Variants in SPSB1 observed in about 807,000 individuals in gnomAD.
SPSB1 encodes splA/ryanodine receptor domain and SOCS box containing 1.
In SPSB1, 8 loss-of-function variants were observed where a neutral mutation model predicts 21.2. The ratio of observed to expected loss-of-function variants is 0.38; its 90% CI spans 0.22 to 0.68. The LOEUF is 0.68. Ranked by LOEUF, SPSB1 falls within the 30% of genes least tolerant of loss-of-function variation. The probability of loss-of-function intolerance (pLI) is 0.53; values close to 1 mark genes in which losing one functional copy is unlikely to be tolerated. For missense variants in SPSB1, 242 were observed against 377.8 expected, an observed-to-expected ratio of 0.64 and a Z score of 2.98; for synonymous variants, 169 against 161.7, an observed-to-expected ratio of 1.05 and a Z score of -0.34.
rs56373345 is a variant in SPSB1, at chr1:9,348,963, G to A, written c.-149-6780G>A. 0.59 allele frequency among the ~76,000 whole-genome samples: 87,092 copies of A among 148,050 alleles called. 25,838 individuals carry two copies. Among genetic ancestry groups the A allele is most frequent in the African/African-American group, 0.71 (29,030 of 40,748 alleles). ...TGTGTGTGTGTGTGTGTGTGTGTGT[G>A]TATATGTGCGTGTGTGCACGTGCAT... On this transcript the variant is annotated intron_variant, in intron 1 of 2. Coordinates refer to ENST00000328089, the MANE Select transcript of SPSB1 (RefSeq NM_025106.4). This position sits in a 1 kb window ranked among gnomAD's most constrained non-coding sequence, Gnocchi z 4.8.
At chr1:9,328,579 G>A (rs550193582) in intron 1 of SPSB1, among the ~76,000 whole-genome samples, 38 of 152,316 alleles carry the variant, frequency 2.5e-4, no homozygotes, top group African/African-American at 8.2e-4. Context: ...TAAACATCTC[G>A]TTCGGGGTAA....
At chr1:9,323,884 C>T (rs999419140) in intron 1 of SPSB1, among the ~76,000 whole-genome samples, 1 of 152,216 alleles carries the variant, frequency 6.6e-6, no homozygotes, top group African/African-American at 2.4e-5. Flanking sequence ...CTTCTCCCAT[C>T]CCTTCCTCTT....
At position 9,327,036 on chromosome 1, in the gene SPSB1, A is replaced by T. The variant is rs543094934; in HGVS notation, c.-149-28707A>T. On this transcript the variant is annotated intron_variant, in intron 1 of 2. Transcript: ENST00000328089. ...CACCTGGGGGTCTTGGCTTAGGGGC[A>T]GGTGCTCAGGGCAGGGCACTGGGAT... 1.2e-3 allele frequency among the ~76,000 whole-genome samples: 184 copies of T among 152,240 alleles called. 1 individual carries two copies. Among genetic ancestry groups the T allele is most frequent in the Non-Finnish European group, 1.4e-3 (98 of 68,018 alleles).
intron 1 of SPSB1, among the ~76,000 whole-genome samples, chr1:9,310,819 G>A (rs1396327165): frequency 2.0e-5 from 3 of 152,130 alleles, no homozygotes; most frequent in African/African-American, 7.2e-5. Context: ...GAGATTTGAA[G>A]AAAGTGCTAA....
intron 1 of SPSB1, among the ~76,000 whole-genome samples, chr1:9,326,683 G>T (rs1334239135): frequency 6.6e-6 from 1 of 152,182 alleles, no homozygotes; most frequent in Non-Finnish European, 1.5e-5. Context: ...GCCACCCTTG[G>T]TCAGCTGCTT....
Position 9,321,149 on chromosome 1 carries a change from C to T in SPSB1, c.-150+28078C>T, listed in dbSNP as rs935479796. Among the ~76,000 whole-genome samples, 1 of 151,858 alleles carries T rather than the reference C, an allele frequency of 6.6e-6. No homozygotes were observed. Among genetic ancestry groups the T allele is most frequent in the Non-Finnish European group, 1.5e-5 (1 of 67,992 alleles). On this transcript the variant is annotated intron_variant, in intron 1 of 2. Transcript: ENST00000328089. This position sits in a 1 kb window ranked among gnomAD's most constrained non-coding sequence, Gnocchi z 4.8. ...GAAAACAACAACCAAAAAATCCCCCCAAAACACAAAGCTGGAAAAAGCTCT... is the reference window on the plus strand; with the variant it reads ...GAAAACAACAACCAAAAAATCCCCCTAAAACACAAAGCTGGAAAAAGCTCT...
intron 1 of SPSB1, among the ~76,000 whole-genome samples, chr1:9,295,239 T>C (rs12121137): frequency 3.7e-5 from 5 of 134,860 alleles, no homozygotes; most frequent in African/African-American, 1.4e-4. Flanking sequence ...TGTGTGTGTG[T>C]GTGCGCGCGT....
chr1:9,323,450 C>G (rs761402138), intron 1 of SPSB1, among the ~76,000 whole-genome samples: 17 of 152,198 alleles, frequency 1.1e-4, no homozygotes, highest in Non-Finnish European at 2.4e-4. Flanking sequence ...TCAGAGGGTG[C>G]TCAGCCTGGC....
chr1:9,345,998 G>A lies in SPSB1; in HGVS notation c.-149-9745G>A, dbSNP rs1284064348. 6.6e-6 allele frequency among the ~76,000 whole-genome samples: 1 copy of A among 152,184 alleles called. No individual in the cohort carries two copies. Among genetic ancestry groups the A allele is most frequent in the Non-Finnish European group, 1.5e-5 (1 of 68,032 alleles). ...GCCCAGCCAGCACGGAGCATGCCCC[G>A]AGCCCTTCCACCACCAAGAGTGTCC... On this transcript the variant is annotated intron_variant, in intron 1 of 2. Coordinates refer to ENST00000328089, the MANE Select transcript of SPSB1 (RefSeq NM_025106.4). This position sits in a 1 kb window ranked among gnomAD's most constrained non-coding sequence, Gnocchi z 4.8.
rs186142050 is a variant in SPSB1, at chr1:9,355,384, A to G, written c.-149-359A>G. 1.5e-3 allele frequency among the ~76,000 whole-genome samples: 226 copies of G among 152,352 alleles called. 1 individual carries two copies. Among genetic ancestry groups the G allele is most frequent in the Admixed American group, 0.012 (179 of 15,310 alleles). Reference sequence around the variant, plus strand: ...TTTGACCAAGCAAATGCCCACTGTCATGGCTGAGTCCTGGTTCTGTGGCAC... The same window carrying G: ...TTTGACCAAGCAAATGCCCACTGTCGTGGCTGAGTCCTGGTTCTGTGGCAC... On this transcript the variant is annotated intron_variant, in intron 1 of 2. Coordinates refer to ENST00000328089, the MANE Select transcript of SPSB1 (RefSeq NM_025106.4).
chr1:9,351,612 T>TG (rs1244709117), intron 1 of SPSB1: 1 of 151,448 alleles, frequency 6.6e-6, no homozygotes, highest in Non-Finnish European at 1.5e-5. Context: ...CCAGGGAAGG[T>TG]GGCGAGTCCA....
chr1:9,302,341 T>C (rs1196069120), intron 1 of SPSB1, among the ~76,000 whole-genome samples: 5 of 152,250 alleles, frequency 3.3e-5, no homozygotes, highest in African/African-American at 7.2e-5. Flanking sequence ...CCTTTTCTGC[T>C]GACAGGGAAG....
chr1:9,329,725 GAAAA>G (rs1449258278), intron 1 of SPSB1, among the ~76,000 whole-genome samples: 3 of 148,362 alleles, frequency 2.0e-5, no homozygotes, highest in South Asian at 2.1e-4. Context: ...AAAAAAAAGA[GAAAA>G]GAAAGAAAGA....
At chr1:9,330,704 CTTT>C (rs5772366) in intron 1 of SPSB1, among the ~76,000 whole-genome samples, 3 of 150,032 alleles carry the variant, frequency 2.0e-5, no homozygotes, top group Admixed American at 6.7e-5. Flanking sequence ...TTCTTCTGAA[CTTT>C]TTTTTTTTTA....
In SPSB1 at chr1:9,345,387, T is replaced by C. The variant is rs1393129438; in HGVS notation, c.-149-10356T>C. Among the ~76,000 whole-genome samples, 4 of 152,088 alleles carry C rather than the reference T, an allele frequency of 2.6e-5. No homozygotes were observed. The highest frequency in any genetic ancestry group is 7.2e-5 in the African/African-American group (3 of 41,406). ...CGCCCCACCTCCTGTGTGAACCAGA[T>C]GGGCCCAGTGTGTTACCCGCCGAGG... is the stretch of plus-strand genomic sequence containing the variant. On this transcript the variant is annotated intron_variant, in intron 1 of 2. Transcript: ENST00000328089. The surrounding 1 kb of genome is among the most constrained non-coding windows in gnomAD (Gnocchi z 4.8).
chr1:9,341,449 T>C (rs1569628660), intron 1 of SPSB1, among the ~76,000 whole-genome samples: 1 of 152,258 alleles, frequency 6.6e-6, no homozygotes, highest in Non-Finnish European at 1.5e-5. Flanking sequence ...GTTCTGCCTG[T>C]TCTGTGTATC....
rs1359311715 is a variant in SPSB1, at chr1:9,346,670, C to G, written c.-149-9073C>G. On this transcript the variant is annotated intron_variant, in intron 1 of 2. Coordinates refer to ENST00000328089, the MANE Select transcript of SPSB1 (RefSeq NM_025106.4). The surrounding 1 kb of genome is among the most constrained non-coding windows in gnomAD (Gnocchi z 4.4). Reference sequence around the variant, plus strand: ...CAGTCTGGCCTGTCTCAGCCTCCCCCAGGGTCTGCTCTCAGTGCCTCATTC... The same window carrying G: ...CAGTCTGGCCTGTCTCAGCCTCCCCGAGGGTCTGCTCTCAGTGCCTCATTC... 6.6e-6 allele frequency among the ~76,000 whole-genome samples: 1 copy of G among 152,202 alleles called. No individual in the cohort carries two copies. Among genetic ancestry groups the G allele is most frequent in the East Asian group, 1.9e-4 (1 of 5,200 alleles).
chr1:9,328,251 C>G (rs924629687), intron 1 of SPSB1, among the ~76,000 whole-genome samples: 9 of 152,140 alleles, frequency 5.9e-5, no homozygotes, highest in Non-Finnish European at 8.8e-5. Context: ...CAGCTGAGCC[C>G]AAAGACATTC....
intron 2 of SPSB1, among the ~76,000 whole-genome samples, chr1:9,365,436 G>T (rs576123164): frequency 6.6e-6 from 1 of 152,322 alleles, no homozygotes; most frequent in South Asian, 2.1e-4. Context: ...TTCTTTTAAA[G>T]CTTGGGGTTT....
Sources: gnomAD v4.1 joint callset for allele counts (sites outside exome capture counted in the v4.1 genomes callset) on GRCh38, gnomAD v4.1.1 for gene constraint, Gnocchi (gnomAD v3.1) non-coding constraint, MANE v1.5 for transcripts, NCBI Gene and HGNC (gene_info 2026-07-23, HGNC 2026-07-21) for gene names.